NRXN3: variants seen among roughly 807,000 people sequenced by gnomAD.
The protein encoded by NRXN3 is neurexin 3.
NRXN3 carries 32 observed loss-of-function variants against 137.6 expected under a neutral mutation model. That is an observed-to-expected ratio of 0.23 (90% CI 0.18 to 0.31). The LOEUF (loss-of-function observed/expected upper bound fraction) is 0.31, where lower values mean the gene tolerates loss of function less well. Among genes scored for constraint, NRXN3 ranks in the 10% least tolerant of loss-of-function variants. NRXN3 has a pLI of 1.00. For synonymous variants in NRXN3, 798 were observed against 784.5 expected (o/e 1.02, Z -0.29); for missense variants, 1,574 against 2,062.5 (o/e 0.76, Z 4.59).
intron 15 of NRXN3, among the ~76,000 whole-genome samples, chr14:79,394,007 G>T (rs986670233): frequency 1.3e-5 from 2 of 152,118 alleles, no homozygotes; most frequent in African/African-American, 4.8e-5. Context: ...TAAAATATCA[G>T]CTAATTGAAT....
At chr14:78,314,968 T>TTCCC (rs1555461391) in intron 4 of NRXN3, among the ~76,000 whole-genome samples, 8 of 51,180 alleles carry the variant, frequency 1.6e-4, no homozygotes, top group South Asian at 6.8e-4. Flanking sequence ...CCTTCCTTCC[T>TTCCC]TCCTTCCTTC....
intron 15 of NRXN3, among the ~76,000 whole-genome samples, chr14:79,317,092 C>T (rs2088938292): frequency 6.6e-6 from 1 of 151,836 alleles, no homozygotes; most frequent in Admixed American, 6.6e-5. Context: ...ATTAGCTGGG[C>T]GTGGTGGTGG....
intron 11 of NRXN3, among the ~76,000 whole-genome samples, chr14:78,960,323 A>T (rs2099405626): frequency 6.6e-6 from 1 of 152,174 alleles, no homozygotes; most frequent in Non-Finnish European, 1.5e-5. Flanking sequence ...AGTTCACAGA[A>T]GTCATAAAAT....
chr14:79,160,550 T>C (rs1278423734), intron 15 of NRXN3, among the ~76,000 whole-genome samples: 1 of 151,934 alleles, frequency 6.6e-6, no homozygotes. Flanking sequence ...ACTGAATGGA[T>C]GGCTGGGTGG....
chr14:79,414,554 T>C (rs189105800), intron 15 of NRXN3, among the ~76,000 whole-genome samples: 34 of 152,220 alleles, frequency 2.2e-4, no homozygotes, highest in Non-Finnish European at 3.7e-4. Context: ...TCTTTCCCCA[T>C]CCCCAACTTT....
intron 4 of NRXN3, chr14:78,403,869 A>C (rs1165857572): frequency 1.0e-6 from 1 of 985,102 alleles, no homozygotes; most frequent in African/African-American, 1.7e-5. Flanking sequence ...AATTAACTCG[A>C]GCTTGGCAGG....
intron 15 of NRXN3, among the ~76,000 whole-genome samples, chr14:79,136,217 G>C (rs2152982163): frequency 6.6e-6 from 1 of 152,252 alleles, no homozygotes; most frequent in Middle Eastern, 3.4e-3. Flanking sequence ...ACTCCCTAAA[G>C]GCGTAATTTA....
intron 2 of NRXN3, among the ~76,000 whole-genome samples, chr14:78,263,470 C>T (rs2071128992): frequency 6.6e-6 from 1 of 152,206 alleles, no homozygotes. Flanking sequence ...TAGACAAAGA[C>T]TGCAGCATTT....
chr14:78,554,764 G>C (rs1056537205), intron 4 of NRXN3, among the ~76,000 whole-genome samples: 1 of 151,948 alleles, frequency 6.6e-6, no homozygotes, highest in African/African-American at 2.4e-5. Flanking sequence ...TTTAGCGTTC[G>C]TGGGCCAGTT....
intron 4 of NRXN3, among the ~76,000 whole-genome samples, chr14:78,530,946 G>C (rs902522564): frequency 6.6e-6 from 1 of 152,124 alleles, no homozygotes; most frequent in Non-Finnish European, 1.5e-5. Context: ...CTTTGCTGAT[G>C]AACAGCAAAG....
chr14:79,152,407 A>C (rs17594561), intron 15 of NRXN3, among the ~76,000 whole-genome samples: 63 of 152,044 alleles, frequency 4.1e-4, no homozygotes, highest in African/African-American at 1.4e-3. Context: ...CTGGCAGTCT[A>C]TGATGACATA....
intron 15 of NRXN3, among the ~76,000 whole-genome samples, chr14:79,454,028 T>C (rs1215612869): frequency 6.6e-6 from 1 of 152,126 alleles, no homozygotes; most frequent in Admixed American, 6.5e-5. Flanking sequence ...CACTGATCAA[T>C]GTAGTCATTC....
At chr14:78,952,440 A>T (rs1282671825) in intron 10 of NRXN3, among the ~76,000 whole-genome samples, 1 of 151,936 alleles carries the variant, frequency 6.6e-6, no homozygotes, top group Non-Finnish European at 1.5e-5. Context: ...TTTCCTTATC[A>T]TCCCTGCTTT....
intron 3 of NRXN3, among the ~76,000 whole-genome samples, chr14:78,289,447 T>C (rs1303255309): frequency 2.0e-5 from 3 of 152,186 alleles, no homozygotes; most frequent in Non-Finnish European, 4.4e-5. Flanking sequence ...TCAGAATTCA[T>C]AGAGGCAAAG....
chr14:79,586,923 C>T (rs541075987), intron 16 of NRXN3, among the ~76,000 whole-genome samples: 24 of 152,278 alleles, frequency 1.6e-4, no homozygotes, highest in African/African-American at 4.8e-4. Context: ...ATAGTAGTTA[C>T]AGGCTATAAT....
chr14:78,416,592 A>G (rs1224042125), intron 4 of NRXN3, among the ~76,000 whole-genome samples: 2 of 152,210 alleles, frequency 1.3e-5, no homozygotes, highest in Non-Finnish European at 2.9e-5. Context: ...GCTCTGGTAA[A>G]TCACTTTTAG....
intron 19 of NRXN3, among the ~76,000 whole-genome samples, chr14:79,718,525 G>T (rs1432135246): frequency 6.6e-6 from 1 of 152,208 alleles, no homozygotes; most frequent in African/African-American, 2.4e-5. Flanking sequence ...AAAGCAGCAA[G>T]AGAGGAGGCA....
chr14:79,594,409 A>AG (rs1243350585), intron 16 of NRXN3, among the ~76,000 whole-genome samples: 1 of 152,308 alleles, frequency 6.6e-6, no homozygotes, highest in African/African-American at 2.4e-5. Flanking sequence ...TTGGGGACAG[A>AG]GAAAAAAAGG....
intron 15 of NRXN3, among the ~76,000 whole-genome samples, chr14:79,004,329 T>C (rs1043661311): frequency 1.8e-4 from 28 of 152,152 alleles, no homozygotes; most frequent in African/African-American, 6.5e-4. Flanking sequence ...CACTGCAAAC[T>C]CCACCTCCTG....
Sources: allele counts gnomAD v4.1 joint callset (sites outside exome capture counted in the v4.1 genomes callset), GRCh38; gene constraint gnomAD v4.1.1; transcripts MANE v1.5; gene names NCBI Gene and HGNC (gene_info 2026-07-23, HGNC 2026-07-21).